MGAM: variants seen among roughly 807,000 people sequenced by gnomAD.
The protein encoded by MGAM is maltase-glucoamylase, also known as alpha-1,4-glucosidase.
A neutral mutation model predicts 358.8 loss-of-function variants in MGAM; 253 were observed. That is an observed-to-expected ratio of 0.71 (90% CI 0.64 to 0.78). MGAM has a LOEUF of 0.78. Ranked by LOEUF, MGAM falls within the 30% of genes least tolerant of loss-of-function variation. The pLI, the probability that MGAM is intolerant of heterozygous loss-of-function variation, is 0.00. For missense variants in MGAM, 3,080 were observed against 3,432.6 expected, an observed-to-expected ratio of 0.90 and a Z score of 2.57; for synonymous variants, 1,105 against 1,227.1, an observed-to-expected ratio of 0.90 and a Z score of 2.08.
At chr7:142,088,387 A>G (rs1258382139) in intron 57 of MGAM, among the ~76,000 whole-genome samples, 1 of 145,902 alleles carries the variant, frequency 6.9e-6, no homozygotes, top group Non-Finnish European at 1.6e-5. Flanking sequence ...CCTTATGTCT[A>G]CTACTGAACA....
intron 2 of MGAM, among the ~76,000 whole-genome samples, chr7:141,988,811 T>G (rs1803818515): frequency 6.6e-6 from 1 of 152,174 alleles, no homozygotes; most frequent in African/African-American, 2.4e-5. Flanking sequence ...TAATAGACAT[T>G]TCACAAGACA....
chr7:142,041,559 G>C (rs1808543877), intron 21 of MGAM, among the ~76,000 whole-genome samples: 2 of 151,790 alleles, frequency 1.3e-5, no homozygotes, highest in Non-Finnish European at 2.9e-5. Flanking sequence ...CAGGCTTGAA[G>C]TCCAAAGTCT....
At chr7:142,036,749 G>A (rs1563137479) in intron 17 of MGAM, 74 bp from the exon 18 acceptor site, 1 of 1,467,688 alleles carries the variant, frequency 6.8e-7, no homozygotes, top group South Asian at 1.3e-5. Flanking sequence ...TGTAATGAAT[G>A]AGGTCTGGAA....
intron 10 of MGAM, among the ~76,000 whole-genome samples, chr7:142,029,770 A>G (rs535015498): frequency 5.3e-5 from 8 of 152,356 alleles, no homozygotes; most frequent in African/African-American, 1.7e-4. Context: ...ATGCAAAGGG[A>G]AAAGCTCAGT....
intron 22 of MGAM, among the ~76,000 whole-genome samples, chr7:142,048,277 C>T (rs112088052): frequency 0.061 from 9,180 of 151,288 alleles, 933 homozygotes; most frequent in African/African-American, 0.21. Flanking sequence ...CTCAGCCTCC[C>T]GCGTAGGACT....
intron 33 of MGAM, 141 bp downstream of exon 33, chr7:142,060,107 T>C (rs1190191029): frequency 1.6e-6 from 2 of 1,269,176 alleles, no homozygotes; most frequent in Admixed American, 2.3e-5. Flanking sequence ...GCTCTCCTTT[T>C]CTCAATCAAT....
At chr7:142,022,978 T>C (rs1554459548) in intron 7 of MGAM, among the ~76,000 whole-genome samples, 1 of 152,174 alleles carries the variant, frequency 6.6e-6, no homozygotes, top group Non-Finnish European at 1.5e-5. Flanking sequence ...TTATTTCCAC[T>C]TTGTTTTGAC....
chr7:142,079,956 A>G (rs1814102877), intron 49 of MGAM, among the ~76,000 whole-genome samples: 1 of 146,518 alleles, frequency 6.8e-6, no homozygotes, highest in African/African-American at 2.4e-5. Context: ...AGCCTTAACC[A>G]TTGACTACTC....
intron 24 of MGAM, among the ~76,000 whole-genome samples, chr7:142,051,163 G>T (rs1243470600): frequency 9.2e-5 from 14 of 152,168 alleles, no homozygotes; most frequent in Admixed American, 7.9e-4. Flanking sequence ...GGAAAGTGGG[G>T]AATAGCCTGA....
Position 142,089,782 on chromosome 7 carries a change from G to A in MGAM, c.6811-2131G>A, listed in dbSNP as rs1189163327. Among the ~76,000 whole-genome samples the A allele has an allele frequency of 4.8e-5, 7 of 145,328 alleles. 1 individual carries two copies. The highest frequency in any genetic ancestry group is 2.0e-4 in the East Asian group (1 of 4,938). On this transcript the variant is annotated intron_variant, in intron 57 of 70. Transcript: ENST00000475668. ...AGCCTGGGTGACACAGCGAGACTCCGTCTCAGAAGAAAAAAAAAGGAAGGA... is the reference window on the plus strand; with the variant it reads ...AGCCTGGGTGACACAGCGAGACTCCATCTCAGAAGAAAAAAAAAGGAAGGA...
chr7:142,042,015 A>C (rs1266474154), intron 21 of MGAM, among the ~76,000 whole-genome samples: 1 of 24,330 alleles, frequency 4.1e-5, no homozygotes, highest in Admixed American at 8.8e-4. Flanking sequence ...ATATAATATA[A>C]TATATATATA....
At chr7:142,104,748 A>T (rs1033396993) in intron 70 of MGAM, among the ~76,000 whole-genome samples, 3 of 152,198 alleles carry the variant, frequency 2.0e-5, no homozygotes, top group Non-Finnish European at 2.9e-5. Context: ...CGATTACAAG[A>T]CACGCTCTTG....
At position 142,040,853 on chromosome 7, in the gene MGAM, C is replaced by T. The variant is rs373652203; in HGVS notation, c.2498+7C>T. ...ATACAACCACTCTGGCCAGGTATAG[C>T]ATGGCTGGAGTGTCCTTTCAGAATT... On this transcript the variant is annotated splice_region_variant and intron_variant, in intron 21 of 70. Transcript: ENST00000475668. 2.3e-5 allele frequency: 37 copies of T among 1,603,934 alleles called. No individual in the cohort carries two copies. In the African/African-American group the frequency reaches 4.5e-4, roughly 19 times the overall value.
chr7:142,095,324 GT>G (rs1815797663), intron 63 of MGAM, among the ~76,000 whole-genome samples: 1 of 152,190 alleles, frequency 6.6e-6, no homozygotes. Context: ...TGTTCTTCTT[GT>G]TTGGGCAGAA....
At chr7:142,010,801 C>T (rs1805538049) in intron 3 of MGAM, among the ~76,000 whole-genome samples, 1 of 152,134 alleles carries the variant, frequency 6.6e-6, no homozygotes, top group African/African-American at 2.4e-5. Flanking sequence ...TTCACTTAGG[C>T]TATACTTCTA....
At chr7:142,041,369 CT>C (rs1479045407) in intron 21 of MGAM, among the ~76,000 whole-genome samples, 4 of 152,014 alleles carry the variant, frequency 2.6e-5, no homozygotes, top group African/African-American at 7.2e-5. Flanking sequence ...CCTGTCTTTT[CT>C]TTTGAACCTC....
Position 142,030,352 on chromosome 7 carries a change from A to G in MGAM, c.1222-10A>G, listed in dbSNP as rs1554462841. On this transcript the variant is annotated splice_polypyrimidine_tract_variant and intron_variant, in intron 10 of 70. Coordinates refer to ENST00000475668, the MANE Select transcript of MGAM (RefSeq NM_001365693.1). ...TAGGTGCTAATTGTGGACTTTGTATATTCTTTCAGGATGTTCAGCATGCTG... is the reference window on the plus strand; with the variant it reads ...TAGGTGCTAATTGTGGACTTTGTATGTTCTTTCAGGATGTTCAGCATGCTG... 6.2e-7 allele frequency: 1 copy of G among 1,611,370 alleles called. No individual in the cohort carries two copies. The highest frequency in any genetic ancestry group is 8.5e-7 in the Non-Finnish European group (1 of 1,178,872).
At chr7:141,987,105 G>T (rs1366882000) in intron 2 of MGAM, among the ~76,000 whole-genome samples, 1 of 152,200 alleles carries the variant, frequency 6.6e-6, no homozygotes, top group Non-Finnish European at 1.5e-5. Flanking sequence ...TTGTCACATG[G>T]CACAGAAACA....
intron 18 of MGAM, among the ~76,000 whole-genome samples, chr7:142,038,262 GA>G (rs1197029826): frequency 6.6e-6 from 1 of 152,130 alleles, no homozygotes; most frequent in African/African-American, 2.4e-5. Flanking sequence ...GAGGGCTATG[GA>G]AAATAGAATT....
Sources: gnomAD v4.1 joint callset for allele counts (sites outside exome capture counted in the v4.1 genomes callset) on GRCh38, gnomAD v4.1.1 for gene constraint, MANE v1.5 for transcripts, NCBI Gene and HGNC (gene_info 2026-07-23, HGNC 2026-07-21) for gene names.